NPIPB2: variants seen among roughly 807,000 people sequenced by gnomAD.
NPIPB2 encodes the protein nuclear pore complex interacting protein family member B2.
NPIPB2 carries 27 observed loss-of-function variants against 30.8 expected under a neutral mutation model. That is an observed-to-expected ratio of 0.88 (90% CI 0.65 to 1.21). NPIPB2 has a LOEUF of 1.21. NPIPB2 is among the 50% of genes most tolerant of loss of function. The pLI, the probability that NPIPB2 is intolerant of heterozygous loss-of-function variation, is 0.00. For synonymous variants in NPIPB2, 147 were observed against 162.0 expected (o/e 0.91, Z 0.70); for missense variants, 440 against 446.2 (o/e 0.99, Z 0.13).
At chr16:11,951,049 C>G (rs185365419) in intron 1 of NPIPB2, among the ~76,000 whole-genome samples, 1,527 of 152,080 alleles carry the variant, frequency 0.01, 13 homozygotes, top group Non-Finnish European at 0.017. Context: ...GGCTGCACAC[C>G]TTTCAAATCA....
intron 1 of NPIPB2, chr16:11,966,451 C>G: frequency 2.7e-6 from 3 of 1,130,766 alleles, no homozygotes; most frequent in Non-Finnish European, 3.8e-6. Context: ...ACAGCCCTTT[C>G]GAATGTGTTA....
chr16:11,965,182 G>A (rs975151603), intron 1 of NPIPB2: 6 of 1,059,716 alleles, frequency 5.7e-6, no homozygotes, highest in African/African-American at 1.6e-5. Flanking sequence ...GACAGCCCCC[G>A]TAAGAACCCA....
intron 1 of NPIPB2, among the ~76,000 whole-genome samples, chr16:11,969,824 G>A (rs573435215): frequency 8.5e-5 from 13 of 152,184 alleles, no homozygotes; most frequent in African/African-American, 2.6e-4. Context: ...TCTTACTAAC[G>A]TGCCAGGGAC....
chr16:11,967,536 GT>G (rs752797260), intron 1 of NPIPB2: 30 of 1,594,092 alleles, frequency 1.9e-5, no homozygotes, highest in Non-Finnish European at 2.6e-5. Context: ...TCTCTGTGAA[GT>G]TTGGGTTAAT....
intron 1 of NPIPB2, chr16:11,966,400 A>C (rs2055194449): frequency 6.5e-7 from 1 of 1,542,774 alleles, no homozygotes; most frequent in Non-Finnish European, 8.8e-7. Context: ...TGTGAGTTTC[A>C]GTTCCTTTTC....
chr16:11,966,225 C>T lies in NPIPB2; in HGVS notation c.-584+10343G>A, dbSNP rs11570146. 198 of 1,613,336 alleles carry T rather than the reference C, an allele frequency of 1.2e-4. No individual in the cohort carries two copies. The African/African-American group carries it at 2.3e-3, about 18-fold the overall frequency. On this transcript the variant is annotated intron_variant, in intron 1 of 5. Transcript: ENST00000538896. The stretch of plus-strand genomic sequence containing the variant: ...ACCAATTCAGTGAAAGGAACGAATG[C>T]GATTCTCTGGACCTGTTTGGGACTG...
At chr16:11,949,633 C>G (rs1205462181) in intron 1 of NPIPB2, among the ~76,000 whole-genome samples, 1 of 152,220 alleles carries the variant, frequency 6.6e-6, no homozygotes, top group African/African-American at 2.4e-5. Context: ...TTTTGAGTGA[C>G]AGGCTCTTTT....
chr16:11,967,913 T>G, intron 1 of NPIPB2: 8 of 1,552,306 alleles, frequency 5.2e-6, no homozygotes, highest in Non-Finnish European at 7.0e-6. Flanking sequence ...ATGTGTCAGA[T>G]CTCTTTAGGA....
At position 11,937,520 on chromosome 16, in the gene NPIPB2, C is replaced by G. The variant is rs1200184092; in HGVS notation, c.192+20G>C. The G allele has an allele frequency of 5.6e-6, 8 of 1,416,504 alleles. No individual in the cohort carries two copies. The highest frequency in any genetic ancestry group is 6.9e-6 in the Non-Finnish European group (7 of 1,016,258). 87.7% of individuals were successfully genotyped at this position (1,416,504 alleles called of 1,614,324 possible). On this transcript the variant is annotated intron_variant, in intron 2 of 7. Coordinates refer to ENST00000399147, the Ensembl canonical transcript of NPIPB2. ...ATTTGTGATTACAAGTATACCTCTA[C>G]AGAAAGTTAGTACACTCACCCAAAG...
chr16:11,936,188 C>A (rs1307914260), intron 2 of NPIPB2, among the ~76,000 whole-genome samples: 1 of 147,640 alleles, frequency 6.8e-6, no homozygotes, highest in East Asian at 2.0e-4. Flanking sequence ...CCTGTAATCC[C>A]AGCTACTTGA....
chr16:11,940,844 T>C (rs1266634576), intron 1 of NPIPB2, among the ~76,000 whole-genome samples: 2 of 150,302 alleles, frequency 1.3e-5, no homozygotes, highest in South Asian at 2.1e-4. Flanking sequence ...TCCATTTTGT[T>C]TGTTAGAGAC....
chr16:11,953,712 ATTTTTTTT>A (rs36103994), intron 1 of NPIPB2, among the ~76,000 whole-genome samples: 16 of 75,534 alleles, frequency 2.1e-4, no homozygotes, highest in African/African-American at 3.2e-4. Flanking sequence ...ATTTACTTTA[ATTTTTTTT>A]TTTTTTTTTT....
chr16:11,941,919 G>A, intron 1 of NPIPB2, 64 bp downstream of exon 1: 1 of 1,010,130 alleles, frequency 9.9e-7, no homozygotes, highest in Non-Finnish European at 1.5e-6. Flanking sequence ...GGTTCCTCAA[G>A]GTCACTTTTG....
At chr16:11,957,022 C>T (rs913223080) in intron 1 of NPIPB2, among the ~76,000 whole-genome samples, 2 of 152,134 alleles carry the variant, frequency 1.3e-5, no homozygotes, top group African/African-American at 4.8e-5. Context: ...GATGGAGTCT[C>T]ACTCTGTCAC....
At chr16:11,969,323 T>A (rs957725712) in intron 1 of NPIPB2, among the ~76,000 whole-genome samples, 1 of 152,066 alleles carries the variant, frequency 6.6e-6, no homozygotes, top group Admixed American at 6.6e-5. Flanking sequence ...AGTGGTGCGA[T>A]CTCAGCTCAC....
In NPIPB2 at chr16:11,951,777, C is replaced by T. The variant is rs1266055389; in HGVS notation, c.-583-9663G>A. Among the ~76,000 whole-genome samples the T allele has an allele frequency of 2.0e-5, 3 of 152,166 alleles. No homozygotes were observed. In the East Asian group the frequency reaches 5.8e-4, roughly 29 times the overall value. On this transcript the variant is annotated intron_variant, in intron 1 of 5. Transcript: ENST00000538896. The stretch of plus-strand genomic sequence containing the variant: ...GTGCGGTGGCTCACGCCTGTAATCC[C>T]AGCACTTTGGGAGGCCGAGGCGGGC...
chr16:11,957,564 G>C (rs2055122081), intron 1 of NPIPB2, among the ~76,000 whole-genome samples: 1 of 152,110 alleles, frequency 6.6e-6, no homozygotes, highest in African/African-American at 2.4e-5. Context: ...AAAGTGCTGG[G>C]ATTACAGACC....
chr16:11,943,475 A>G (rs1337038111), upstream of NPIPB2, among the ~76,000 whole-genome samples: 2 of 150,358 alleles, frequency 1.3e-5, no homozygotes, highest in South Asian at 2.1e-4. Context: ...AGGCTGAGGC[A>G]GGCGGATCAC....
At chr16:11,964,188 G>A (rs2055175457) in intron 1 of NPIPB2, among the ~76,000 whole-genome samples, 1 of 152,092 alleles carries the variant, frequency 6.6e-6, no homozygotes, top group African/African-American at 2.4e-5. Context: ...GGTGTTAGCG[G>A]TGATGACTTC....
Sources: allele counts gnomAD v4.1 joint callset (sites outside exome capture counted in the v4.1 genomes callset), GRCh38; gene constraint gnomAD v4.1.1; transcripts MANE v1.5; gene names NCBI Gene and HGNC (gene_info 2026-07-23, HGNC 2026-07-21).